SLIT3: variants seen among roughly 807,000 people sequenced by gnomAD.
SLIT3 encodes slit homolog 3 protein.
SLIT3 carries 68 observed loss-of-function variants against 184.0 expected under a neutral mutation model. That is an observed-to-expected ratio of 0.37 (90% confidence interval 0.30 to 0.45). The LOEUF (loss-of-function observed/expected upper bound fraction) is 0.45, where lower values mean the gene tolerates loss of function less well. Among genes scored for constraint, SLIT3 ranks in the 20% least tolerant of loss-of-function variants. The probability of loss-of-function intolerance (pLI) is 1.00; values close to 1 mark genes in which losing one functional copy is unlikely to be tolerated. For missense variants in SLIT3, 1,707 were observed against 2,026.0 expected (o/e 0.84, Z 3.02); for synonymous variants, 831 against 828.6 (o/e 1.00, Z -0.05).
intron 4 of SLIT3, among the ~76,000 whole-genome samples, chr5:169,042,784 G>A (rs1757490407): frequency 6.6e-6 from 1 of 152,132 alleles, no homozygotes; most frequent in East Asian, 1.9e-4. Context: ...TGAGGGTGCT[G>A]GGCTTGGGAT....
intron 4 of SLIT3, among the ~76,000 whole-genome samples, chr5:169,131,843 T>C (rs1355430274): frequency 6.6e-6 from 1 of 152,246 alleles, no homozygotes; most frequent in East Asian, 1.9e-4. Context: ...GAAGCAATAC[T>C]GGCCTTGGAG....
chr5:168,884,177 C>T (rs541102742), intron 4 of SLIT3, among the ~76,000 whole-genome samples: 2 of 150,794 alleles, frequency 1.3e-5, no homozygotes, highest in Non-Finnish European at 3.0e-5. Context: ...TCACTAAGAA[C>T]GCAGGCCTGC....
intron 23 of SLIT3, chr5:168,712,857 A>AAAAC (rs1446548290): frequency 6.4e-6 from 1 of 156,018 alleles, no homozygotes; most frequent in Non-Finnish European, 1.4e-5. Flanking sequence ...CCTCTATTGT[A>AAAAC]AAACAGGTAT....
chr5:168,861,401 G>GC (rs545556363), intron 5 of SLIT3, among the ~76,000 whole-genome samples: 3,405 of 25,986 alleles, frequency 0.13, 55 homozygotes, highest in South Asian at 0.27. Flanking sequence ...CCCAACCCCT[G>GC]CCCCCCGCCC....
intron 4 of SLIT3, among the ~76,000 whole-genome samples, chr5:168,911,312 A>G (rs1761247240): frequency 6.6e-6 from 1 of 152,074 alleles, no homozygotes; most frequent in African/African-American, 2.4e-5. Flanking sequence ...ATTAGCGTTC[A>G]CCCCACCCCA....
intron 3 of SLIT3, among the ~76,000 whole-genome samples, chr5:169,212,283 T>C (rs570335962): frequency 6.0e-4 from 91 of 152,300 alleles, no homozygotes; most frequent in African/African-American, 2.1e-3. Flanking sequence ...CAGCACCTGT[T>C]GTTTCCTGAC....
At chr5:169,292,051 C>A (rs1276578897) in intron 1 of SLIT3, among the ~76,000 whole-genome samples, 1 of 152,160 alleles carries the variant, frequency 6.6e-6, no homozygotes, top group Non-Finnish European at 1.5e-5. Context: ...TTTACAGAGG[C>A]TTGGGGACCC....
Position 169,300,531 on chromosome 5 carries a change from G to A in SLIT3, c.179C>T (p.Pro60Leu). ...LGLRAVPRGI[P>L]RNAERLDLDR... is the part of the protein sequence containing the mutation. Reference sequence around the variant, plus strand: ...TACTCACAGGCGCTCAGCGTTGCGGGGGATGCCCCGAGGAACCGCGCGGAG... The same window carrying A: ...TACTCACAGGCGCTCAGCGTTGCGGAGGATGCCCCGAGGAACCGCGCGGAG... The change falls in exon 1 of 36, where the codon CCC (proline) becomes CTC (leucine). Residue 60 changes from proline (P) to leucine (L), a missense_variant. This residue lies in a region of SLIT3 where 1,307 missense variants were observed against 1,511.6 expected (regional missense o/e 0.86). Coordinates refer to ENST00000519560, the MANE Select transcript of SLIT3 (RefSeq NM_003062.4). The surrounding 1 kb of genome is among the most constrained non-coding windows in gnomAD (Gnocchi z 4.1). 6.6e-7 allele frequency: 1 copy of A among 1,508,070 alleles called. No individual in the cohort carries two copies. Among genetic ancestry groups the A allele is most frequent in the East Asian group, 2.7e-5 (1 of 36,402 alleles). 93.4% of individuals were successfully genotyped at this position (1,508,070 alleles called of 1,614,324 possible).
chr5:168,960,177 T>C (rs1017210674), intron 4 of SLIT3, among the ~76,000 whole-genome samples: 1 of 152,244 alleles, frequency 6.6e-6, no homozygotes, highest in Non-Finnish European at 1.5e-5. Flanking sequence ...CATGTCTTAC[T>C]CATTCTCCTC....
At chr5:169,180,623 C>T (rs1187447152) in intron 4 of SLIT3, among the ~76,000 whole-genome samples, 1 of 152,168 alleles carries the variant, frequency 6.6e-6, no homozygotes, top group African/African-American at 2.4e-5. Flanking sequence ...ACCCAATATG[C>T]ACATCACTCA....
chr5:168,672,482 G>T (rs1761284848), intron 33 of SLIT3, among the ~76,000 whole-genome samples: 1 of 152,058 alleles, frequency 6.6e-6, no homozygotes, highest in African/African-American at 2.4e-5. Flanking sequence ...TTTGTGTTTT[G>T]TTGTTGTTTT....
chr5:168,932,111 G>A (rs1043008966), intron 4 of SLIT3, among the ~76,000 whole-genome samples: 7 of 151,898 alleles, frequency 4.6e-5, no homozygotes, highest in Non-Finnish European at 7.4e-5. Flanking sequence ...TTCATAAGAT[G>A]GAGGCTGCCC....
At chr5:169,173,663 G>A (rs933216329) in intron 4 of SLIT3, among the ~76,000 whole-genome samples, 8 of 152,308 alleles carry the variant, frequency 5.3e-5, no homozygotes, top group African/African-American at 1.4e-4. Flanking sequence ...CCCTTAGGTC[G>A]TTCTTGAGAA....
In SLIT3 at chr5:169,137,305, TAC is replaced by T. The variant is rs747552567; in HGVS notation, c.413+56172_413+56173del. On this transcript the variant is annotated intron_variant, in intron 4 of 35. Coordinates refer to ENST00000519560, the MANE Select transcript of SLIT3 (RefSeq NM_003062.4). ...TCCCCCTCTTCTCTTTCTATCTACA[TAC>T]ACACACACACACACACACACACACA... Among the ~76,000 whole-genome samples, 221 of 135,950 alleles carry T rather than the reference TAC, an allele frequency of 1.6e-3. 1 individual carries two copies. Among genetic ancestry groups the T allele is most frequent in the African/African-American group, 4.2e-3 (150 of 36,010 alleles). 89.2% of individuals were successfully genotyped at this position (135,950 alleles called of 152,430 possible).
chr5:169,234,325 G>A (rs1490635513), intron 3 of SLIT3, among the ~76,000 whole-genome samples: 6 of 152,108 alleles, frequency 3.9e-5, no homozygotes, highest in African/African-American at 1.2e-4. Flanking sequence ...TCACATTTCC[G>A]CACCAACTTC....
At chr5:168,962,311 A>AC (rs113182356) in intron 4 of SLIT3, among the ~76,000 whole-genome samples, 1 of 147,530 alleles carries the variant, frequency 6.8e-6, no homozygotes, top group African/African-American at 2.5e-5. Context: ...CCCACCCCAC[A>AC]ACACACACAC....
At chr5:168,687,881 A>C (rs1187494429) in intron 29 of SLIT3, among the ~76,000 whole-genome samples, 2 of 152,192 alleles carry the variant, frequency 1.3e-5, no homozygotes, top group Non-Finnish European at 2.9e-5. Flanking sequence ...CCTGGGCAAG[A>C]GGATGGGAAC....
At chr5:168,856,766 C>CGTGTGTGTGTGTGTGT (rs372608852) in intron 5 of SLIT3, among the ~76,000 whole-genome samples, 4 of 132,866 alleles carry the variant, frequency 3.0e-5, no homozygotes, top group Admixed American at 7.6e-5. Flanking sequence ...CTGAGTTCCT[C>CGTGTGTGTGTGTGTGT]GTGTGTGTGT....
intron 4 of SLIT3, among the ~76,000 whole-genome samples, chr5:169,104,733 A>T (rs1760139980): frequency 6.6e-6 from 1 of 152,206 alleles, no homozygotes; most frequent in Non-Finnish European, 1.5e-5. Flanking sequence ...GTCTCCTGGC[A>T]ACCAAGGAAC....
Sources: allele counts gnomAD v4.1 joint callset (sites outside exome capture counted in the v4.1 genomes callset), GRCh38; gene constraint gnomAD v4.1.1; regional missense constraint gnomAD v4.1.1; non-coding constraint Gnocchi (gnomAD v3.1); transcripts MANE v1.5; gene names NCBI Gene and HGNC (gene_info 2026-07-23, HGNC 2026-07-21).